The following ENG variants were observed in gnomAD, a reference collection of about 807,000 sequenced individuals.
The protein encoded by ENG is endoglin, also known as CD105 antigen.
Under a neutral mutation model 71.0 loss-of-function variants are expected in ENG, and 17 were observed. The observed-to-expected ratio is 0.24, with a 90% CI of 0.16 to 0.36. The LOEUF (loss-of-function observed/expected upper bound fraction) is 0.36, where lower values mean the gene tolerates loss of function less well. ENG is among the 10% of genes least tolerant of loss of function. The pLI is 1.00. For missense variants in ENG, 749 were observed against 868.3 expected (o/e 0.86, Z 1.73); for synonymous variants, 360 against 366.9 (o/e 0.98, Z 0.21).
chr9:127,818,621 G>T, intron 11 of ENG, 95 bp downstream of exon 11: 1 of 1,463,054 alleles, frequency 6.8e-7, no homozygotes, highest in Non-Finnish European at 9.6e-7. Flanking sequence ...CCTGACTCTG[G>T]GAGTCTCATC....
intron 8 of ENG, among the ~76,000 whole-genome samples, chr9:127,820,991 T>C (rs1424821776): frequency 6.6e-6 from 1 of 152,196 alleles, no homozygotes; most frequent in Non-Finnish European, 1.5e-5. Context: ...TCATGCACCA[T>C]GGGACAATGT....
intron 8 of ENG, among the ~76,000 whole-genome samples, chr9:127,820,948 G>T (rs575767847): frequency 1.3e-5 from 2 of 152,208 alleles, no homozygotes; most frequent in Non-Finnish European, 2.9e-5. Flanking sequence ...CGTGGGCGAA[G>T]TGTTCCTATA....
At chr9:127,842,698 CA>C (rs1170613030) in intron 2 of ENG, among the ~76,000 whole-genome samples, 1 of 152,220 alleles carries the variant, frequency 6.6e-6, no homozygotes, top group Non-Finnish European at 1.5e-5. Context: ...GCTGGAATTA[CA>C]GGCGTGAGCC....
intron 13 of ENG, 125 bp from the exon 14 acceptor site, chr9:127,816,178 C>T (rs1365727135): frequency 8.5e-7 from 1 of 1,180,686 alleles, no homozygotes; most frequent in South Asian, 1.3e-5. Context: ...CTTCTCTGAA[C>T]CTCAGTCTCC....
intron 2 of ENG, among the ~76,000 whole-genome samples, chr9:127,834,534 A>C (rs1830850048): frequency 6.6e-6 from 1 of 152,152 alleles, no homozygotes; most frequent in African/African-American, 2.4e-5. Flanking sequence ...ACTCCTGAGT[A>C]ACTGGGATTA....
At chr9:127,837,555 T>C (rs112023942) in intron 2 of ENG, among the ~76,000 whole-genome samples, 25 of 152,256 alleles carry the variant, frequency 1.6e-4, no homozygotes, top group African/African-American at 6.0e-4. Context: ...GCTTCTGTGT[T>C]CTCAAAGGAC....
At chr9:127,822,813 C>T (rs1161800938) in intron 8 of ENG, among the ~76,000 whole-genome samples, 2 of 152,122 alleles carry the variant, frequency 1.3e-5, no homozygotes, top group African/African-American at 2.4e-5. Context: ...TTAAGATTTT[C>T]TAATTTTCAC....
chr9:127,831,150 G>A (rs1019640576), intron 2 of ENG, among the ~76,000 whole-genome samples: 2 of 150,114 alleles, frequency 1.3e-5, no homozygotes, highest in South Asian at 2.1e-4. Flanking sequence ...ACCTTAAGAC[G>A]TAAATACCAT....
At position 127,836,751 on chromosome 9, in the gene ENG, A is replaced by G. The variant is rs1200571293; in HGVS notation, c.219+6343T>C. ...AGGTTTCAGTGCAATTCTGCCTGCA[A>G]AGTAGGTTGTCCAGTGCCCAGCTAA... On this transcript the variant is annotated intron_variant, in intron 2 of 14. Coordinates refer to ENST00000373203, the MANE Select transcript of ENG (RefSeq NM_001114753.3). The surrounding 1 kb of genome is among the most constrained non-coding windows in gnomAD (Gnocchi z 4.0). Among the ~76,000 whole-genome samples, 1 of 152,174 alleles carries G rather than the reference A, an allele frequency of 6.6e-6. No individual in the cohort carries two copies. Among genetic ancestry groups the G allele is most frequent in the African/African-American group, 2.4e-5 (1 of 41,440 alleles).
chr9:127,822,737 A>G (rs1479981262), intron 8 of ENG, among the ~76,000 whole-genome samples: 1 of 152,256 alleles, frequency 6.6e-6, no homozygotes, highest in Non-Finnish European at 1.5e-5. Flanking sequence ...TAAGAAATAC[A>G]CAGAGAAAAC....
chr9:127,843,193 G>T lies in ENG; in HGVS notation c.120C>A (p.Gly40=). Residue 40 remains glycine, a synonymous_variant, in exon 2 of 15, where the codon GGC becomes GGA. Transcript: ENST00000373203. Reference sequence around the variant, plus strand: ...CCTGGCTAGTGGTATATGTCACCTCGCCCCTCTCGGGGCCCACAGGCTGAA... The same window carrying T: ...CCTGGCTAGTGGTATATGTCACCTCTCCCCTCTCGGGGCCCACAGGCTGAA... ...CDLQPVGPER[G]EVTYTTSQVS... is the part of the protein sequence containing the mutation. 6.2e-7 allele frequency: 1 copy of T among 1,614,210 alleles called. No homozygotes were observed. The highest frequency in any genetic ancestry group is 1.1e-5 in the South Asian group (1 of 91,082).
Position 127,854,381 on chromosome 9 carries a change from TG to T in ENG, c.-27del, listed in dbSNP as rs1281980832. 2 of 1,569,058 alleles carry T rather than the reference TG, an allele frequency of 1.3e-6. No individual in the cohort carries two copies. Among genetic ancestry groups the T allele is most frequent in the Non-Finnish European group, 1.7e-6 (2 of 1,157,556 alleles). ...GCTGTCCACGTGGGGGCCTGTGCGC[TG>T]GGCCTTATCCTGTGTCCAGTGGCAG... On this transcript the variant is annotated 5_prime_UTR_variant, in exon 1 of 15. Coordinates refer to ENST00000373203, the MANE Select transcript of ENG (RefSeq NM_001114753.3).
intron 13 of ENG, chr9:127,816,550 C>T (rs1830321495): frequency 3.9e-6 from 1 of 253,182 alleles, no homozygotes; most frequent in African/African-American, 2.2e-5. Context: ...GCAGTCTTTC[C>T]TTGAGCCTCT....
At chr9:127,828,603 G>A (rs1830685830) in intron 3 of ENG, among the ~76,000 whole-genome samples, 2 of 152,180 alleles carry the variant, frequency 1.3e-5, no homozygotes, top group Non-Finnish European at 2.9e-5. Context: ...TAAAGGCCAC[G>A]CCCCCTCTGG....
chr9:127,835,667 G>A (rs780303919), intron 2 of ENG, among the ~76,000 whole-genome samples: 10 of 152,278 alleles, frequency 6.6e-5, no homozygotes, highest in Non-Finnish European at 1.5e-4. Context: ...TCCTACTGCT[G>A]CTCCGCCACT....
intron 2 of ENG, among the ~76,000 whole-genome samples, chr9:127,842,370 A>G (rs1471967824): frequency 1.3e-5 from 2 of 151,244 alleles, no homozygotes; most frequent in African/African-American, 4.9e-5. Flanking sequence ...CTGGGATTAC[A>G]GGCATGCGCC....
Position 127,834,683 on chromosome 9 carries a change from G to A in ENG, c.220-4856C>T, listed in dbSNP as rs373763425. ...CTCCCAAAGTGCTGGGATTATAAGC[G>A]TGTGCCACCACGCCCAGCCTAATTT... On this transcript the variant is annotated intron_variant, in intron 2 of 14. Transcript: ENST00000373203. Among the ~76,000 whole-genome samples, 20 of 151,720 alleles carry A rather than the reference G, an allele frequency of 1.3e-4. No individual in the cohort carries two copies. In the South Asian group the frequency reaches 3.1e-3, roughly 24 times the overall value.
At chr9:127,824,776 G>A (rs1830561680) in intron 7 of ENG, 24 bp downstream of exon 7, 1 of 1,524,426 alleles carries the variant, frequency 6.6e-7, no homozygotes, top group African/African-American at 1.4e-5. Flanking sequence ...GAAGGGAAGG[G>A]AGGGGCAGGG....
intron 8 of ENG, 75 bp downstream of exon 8, chr9:127,824,229 C>T: frequency 1.2e-6 from 2 of 1,605,794 alleles, no homozygotes; most frequent in South Asian, 2.2e-5. Flanking sequence ...TGGGCTAGGA[C>T]CCCAAGAGTC....
Sources: allele counts gnomAD v4.1 joint callset (sites outside exome capture counted in the v4.1 genomes callset), GRCh38; gene constraint gnomAD v4.1.1; non-coding constraint Gnocchi (gnomAD v3.1); transcripts MANE v1.5; gene names NCBI Gene and HGNC (gene_info 2026-07-23, HGNC 2026-07-21).